Variants in CDK12 observed in about 807,000 individuals in gnomAD.
CDK12 encodes the protein cyclin-dependent kinase 12.
In CDK12, 17 loss-of-function variants were observed where a neutral mutation model predicts 133.8. The observed-to-expected ratio is 0.13, with a 90% CI of 0.09 to 0.19. CDK12 has a LOEUF of 0.19. Among genes scored for constraint, CDK12 ranks in the 10% least tolerant of loss-of-function variants. The probability of loss-of-function intolerance (pLI) is 1.00; values close to 1 mark genes in which losing one functional copy is unlikely to be tolerated. For synonymous variants in CDK12, 694 were observed against 683.6 expected (o/e 1.02, Z -0.24); for missense variants, 1,508 against 1,818.7 (o/e 0.83, Z 3.11).
At chr17:39,558,073 A>C (rs1005621789) in intron 3 of CDK12, among the ~76,000 whole-genome samples, 1 of 152,246 alleles carries the variant, frequency 6.6e-6, no homozygotes, top group African/African-American at 2.4e-5. Flanking sequence ...TTATGAAGTT[A>C]GCAGGGCTGA....
At chr17:39,485,840 T>A (rs1323124530) in intron 2 of CDK12, among the ~76,000 whole-genome samples, 2 of 151,942 alleles carry the variant, frequency 1.3e-5, no homozygotes, top group African/African-American at 4.8e-5. Flanking sequence ...ACCACTACAG[T>A]CCAGCTTGGG....
Position 39,462,364 on chromosome 17 carries a change from A to G in CDK12, c.293A>G (p.Glu98Gly), listed in dbSNP as rs1274968475. 1 of 1,614,066 alleles carries G rather than the reference A, an allele frequency of 6.2e-7. No individual in the cohort carries two copies. Among genetic ancestry groups the G allele is most frequent in the African/African-American group, 1.3e-5 (1 of 74,924 alleles). The change falls in exon 1 of 14, where the codon GAA (glutamate) becomes GGA (glycine). Residue 98 changes from glutamate to glycine, a missense_variant. This residue lies in a region of CDK12 where 460 missense variants were observed against 490.8 expected (regional missense o/e 0.94). Coordinates refer to ENST00000447079, the MANE Select transcript of CDK12 (RefSeq NM_016507.4). The part of the protein sequence containing the change: ...AFKLDRREND[E>G]RRGSDRSDRL... ...AAACTAGACCGAAGGGAGAACGACGAACGTCGTGGATCAGATCGGAGCGAC... is the reference window on the plus strand; with the variant it reads ...AAACTAGACCGAAGGGAGAACGACGGACGTCGTGGATCAGATCGGAGCGAC...
chr17:39,563,088 T>TCAG (rs1184521349), intron 3 of CDK12, among the ~76,000 whole-genome samples: 2 of 152,118 alleles, frequency 1.3e-5, no homozygotes, highest in Admixed American at 1.3e-4. Context: ...ATTAATGTCT[T>TCAG]CTCGGCTCAG....
At chr17:39,519,542 A>C (rs1457504419) in intron 10 of CDK12, among the ~76,000 whole-genome samples, 2 of 150,670 alleles carry the variant, frequency 1.3e-5, no homozygotes, top group Non-Finnish European at 3.0e-5. Flanking sequence ...CAGCCTCCCA[A>C]AGTGCTGTGT....
chr17:39,472,470 T>C (rs973484480), intron 2 of CDK12, among the ~76,000 whole-genome samples: 11 of 150,600 alleles, frequency 7.3e-5, no homozygotes, highest in Admixed American at 1.3e-4. Context: ...GGTCAGGGGT[T>C]CAAGACCAGG....
intron 1 of CDK12, among the ~76,000 whole-genome samples, chr17:39,466,340 C>A (rs574279213): frequency 6.7e-6 from 1 of 148,890 alleles, no homozygotes; most frequent in African/African-American, 2.5e-5. Context: ...AAAGGCCAGG[C>A]GCAGTGGATC....
Position 39,531,307 on chromosome 17 carries a change from T to C in CDK12, c.4464T>C (p.Val1488=). Reference sequence around the variant, plus strand: ...CAAGAGGGGGAAGAGGGAGAGGAGTTCCTTACTAACCCAGAGACTTCAGTG... The same window carrying C: ...CAAGAGGGGGAAGAGGGAGAGGAGTCCCTTACTAACCCAGAGACTTCAGTG... ...VPPRGGRGRG[V]PY Residue 1488 remains valine, a synonymous_variant, in exon 14 of 14, where the codon GTT becomes GTC. Transcript: ENST00000447079. The C allele has an allele frequency of 6.7e-7, 1 of 1,486,608 alleles. No individual in the cohort carries two copies. Among genetic ancestry groups the C allele is most frequent in the Non-Finnish European group, 8.9e-7 (1 of 1,121,136 alleles). The allele number at this position is 1,486,608 out of a possible 1,614,324, so 92.1% of individuals were successfully genotyped here.
intron 3 of CDK12, among the ~76,000 whole-genome samples, chr17:39,559,708 A>G (rs1464456542): frequency 6.6e-6 from 1 of 152,074 alleles, no homozygotes; most frequent in African/African-American, 2.4e-5. Context: ...GCATGGTGGC[A>G]TGCTCCCATA....
At chr17:39,518,430 T>G (rs4795379) in intron 10 of CDK12, among the ~76,000 whole-genome samples, 119,719 of 151,778 alleles carry the variant, frequency 0.79, 47,710 homozygotes, top group South Asian at 0.92. Context: ...GCCCCCCAAA[T>G]TGCTGGGCTT....
intron 1 of CDK12, among the ~76,000 whole-genome samples, chr17:39,464,063 G>A (rs1480397729): frequency 1.3e-5 from 2 of 151,958 alleles, no homozygotes; most frequent in South Asian, 4.1e-4. Flanking sequence ...TGTAAAATGG[G>A]AATAATAAAT....
Position 39,490,543 on chromosome 17 carries a change from CATTT to C in CDK12, c.1932-10_1932-7del, listed in dbSNP as rs1375425586. On this transcript the variant is annotated splice_polypyrimidine_tract_variant and intron_variant, in intron 2 of 13. Coordinates refer to ENST00000447079, the MANE Select transcript of CDK12 (RefSeq NM_016507.4). ...TAATTGTAATTTTGTCATCTCTTCT[CATTT>C]ATTGTTTAGTCCAAAAGAAACTCTT... The C allele has an allele frequency of 6.3e-7, 1 of 1,576,294 alleles. No homozygotes were observed. The highest frequency in any genetic ancestry group is 1.1e-5 in the South Asian group (1 of 87,054).
At chr17:39,546,426 C>T (rs1035882268), upstream of CDK12, among the ~76,000 whole-genome samples, 18 of 151,866 alleles carry the variant, frequency 1.2e-4, no homozygotes, top group Admixed American at 8.5e-4. Flanking sequence ...CCTCGTAATC[C>T]GCCTGCCTCG....
intron 1 of CDK12, among the ~76,000 whole-genome samples, chr17:39,470,596 A>G (rs1313985542): frequency 1.3e-5 from 2 of 152,176 alleles, no homozygotes; most frequent in Non-Finnish European, 2.9e-5. Flanking sequence ...ATATTGATAC[A>G]TAATTATAAA....
At chr17:39,556,997 A>C (rs539808221) in intron 3 of CDK12, 1 of 152,286 alleles carries the variant, frequency 6.6e-6, no homozygotes, top group East Asian at 1.9e-4. Flanking sequence ...CAAAATTATG[A>C]TCTTCCCTGG....
At chr17:39,519,255 A>G (rs563844281) in intron 10 of CDK12, among the ~76,000 whole-genome samples, 41 of 144,030 alleles carry the variant, frequency 2.8e-4, no homozygotes, top group Admixed American at 2.3e-3. Context: ...GTGTTAGCCA[A>G]CCTCCAGCTT....
intron 10 of CDK12, among the ~76,000 whole-genome samples, chr17:39,519,753 G>A (rs1225379442): frequency 6.6e-6 from 1 of 151,890 alleles, no homozygotes; most frequent in East Asian, 1.9e-4. Context: ...ATTGCACCCA[G>A]CTAATTAAAA....
chr17:39,488,821 G>A (rs150989946), intron 2 of CDK12, among the ~76,000 whole-genome samples: 3 of 152,176 alleles, frequency 2.0e-5, no homozygotes, highest in East Asian at 3.9e-4. Context: ...CATGGTGATG[G>A]CTCACTGTAG....
At chr17:39,563,493 G>A (rs2056463608) in intron 3 of CDK12, among the ~76,000 whole-genome samples, 3 of 108,400 alleles carry the variant, frequency 2.8e-5, no homozygotes, top group Admixed American at 2.9e-4. Context: ...TCTCTCTAGG[G>A]AAAAACTTGG....
chr17:39,483,600 G>A (rs2050891119), intron 2 of CDK12, among the ~76,000 whole-genome samples: 2 of 151,084 alleles, frequency 1.3e-5, no homozygotes, highest in South Asian at 2.1e-4. Flanking sequence ...TCAAGGGGAA[G>A]GAGATAAAGG....
Sources: allele counts gnomAD v4.1 joint callset (sites outside exome capture counted in the v4.1 genomes callset), GRCh38; gene constraint gnomAD v4.1.1; regional missense constraint gnomAD v4.1.1; transcripts MANE v1.5; gene names NCBI Gene and HGNC (gene_info 2026-07-23, HGNC 2026-07-21).